CNTN4: variants seen among roughly 807,000 people sequenced by gnomAD.
CNTN4 encodes the protein contactin-4.
A neutral mutation model predicts 122.5 loss-of-function variants in CNTN4; 77 were observed. That is an observed-to-expected ratio of 0.63 (90% CI 0.52 to 0.76). The LOEUF is 0.76. Among genes scored for constraint, CNTN4 ranks in the 30% least tolerant of loss-of-function variants. The probability of loss-of-function intolerance (pLI) is 0.00; values close to 1 mark genes in which losing one functional copy is unlikely to be tolerated. For synonymous variants in CNTN4, 512 were observed against 447.0 expected (o/e 1.15, Z -1.83); for missense variants, 1,256 against 1,259.1 (o/e 1.00, Z 0.04).
chr3:2,913,166 T>A (rs577201094), intron 12 of CNTN4, among the ~76,000 whole-genome samples: 1 of 151,818 alleles, frequency 6.6e-6, no homozygotes, highest in African/African-American at 2.4e-5. Flanking sequence ...ATAAACAAAT[T>A]AAATAAATAA....
At chr3:2,595,112 A>G (rs2080705166) in intron 4 of CNTN4, among the ~76,000 whole-genome samples, 1 of 152,180 alleles carries the variant, frequency 6.6e-6, no homozygotes, top group African/African-American at 2.4e-5. Context: ...TGATAGTGAC[A>G]CTATTCTATT....
intron 3 of CNTN4, among the ~76,000 whole-genome samples, chr3:2,357,778 C>G (rs1414982063): frequency 6.6e-6 from 1 of 152,186 alleles, no homozygotes; most frequent in Non-Finnish European, 1.5e-5. Context: ...TCCTGCAACA[C>G]GTAATTTAGC....
intron 13 of CNTN4, among the ~76,000 whole-genome samples, chr3:2,931,181 A>G (rs75074340): frequency 0.02 from 3,058 of 152,314 alleles, 38 homozygotes; most frequent in Non-Finnish European, 0.031. Flanking sequence ...AGAAAATCAC[A>G]ACACGTGGAT....
chr3:2,662,404 G>C (rs2083941198), intron 4 of CNTN4, among the ~76,000 whole-genome samples: 1 of 152,180 alleles, frequency 6.6e-6, no homozygotes, highest in East Asian at 1.9e-4. Context: ...TGACTTTCCA[G>C]ATGTCTTTGG....
chr3:2,166,027 C>G (rs1459341437), intron 2 of CNTN4, among the ~76,000 whole-genome samples: 1 of 152,126 alleles, frequency 6.6e-6, no homozygotes, highest in Non-Finnish European at 1.5e-5. Flanking sequence ...GTTCATCTGT[C>G]TCTTCGAGAG....
intron 3 of CNTN4, among the ~76,000 whole-genome samples, chr3:2,498,308 G>A (rs1344080798): frequency 6.6e-6 from 1 of 152,096 alleles, no homozygotes; most frequent in South Asian, 2.1e-4. Flanking sequence ...AGGTTGTGTG[G>A]TAATTACAGT....
At chr3:2,763,615 T>C (rs557340485) in intron 6 of CNTN4, among the ~76,000 whole-genome samples, 1 of 152,190 alleles carries the variant, frequency 6.6e-6, no homozygotes, top group Non-Finnish European at 1.5e-5. Flanking sequence ...TTTATAGTTT[T>C]GGGTTTTATG....
chr3:2,537,232 C>T (rs1409597339), intron 3 of CNTN4, among the ~76,000 whole-genome samples: 1 of 152,042 alleles, frequency 6.6e-6, no homozygotes, highest in African/African-American at 2.4e-5. Flanking sequence ...GGAATACTGT[C>T]CCGAAGATAT....
chr3:2,573,499 A>G (rs1471766438), intron 4 of CNTN4, among the ~76,000 whole-genome samples: 4 of 152,326 alleles, frequency 2.6e-5, no homozygotes, highest in Admixed American at 6.5e-5. Flanking sequence ...TTAACTTCTC[A>G]TAATGACTCT....
chr3:2,449,748 G>T (rs1156548607), intron 3 of CNTN4, among the ~76,000 whole-genome samples: 1 of 152,144 alleles, frequency 6.6e-6, no homozygotes, highest in African/African-American at 2.4e-5. Flanking sequence ...TTATGCAATG[G>T]AATATCGTTC....
chr3:2,497,254 C>T (rs1473584974), intron 3 of CNTN4, among the ~76,000 whole-genome samples: 1 of 152,072 alleles, frequency 6.6e-6, no homozygotes, highest in African/African-American at 2.4e-5. Context: ...CTTCTCACTA[C>T]AACCTTTAAT....
intron 4 of CNTN4, among the ~76,000 whole-genome samples, chr3:2,597,076 T>C (rs556851997): frequency 1.3e-5 from 2 of 152,012 alleles, no homozygotes; most frequent in Non-Finnish European, 2.9e-5. Context: ...TGGGAAGGGG[T>C]TGTAAGACCA....
chr3:2,724,266 A>G (rs1487086956), intron 4 of CNTN4, among the ~76,000 whole-genome samples: 3 of 152,170 alleles, frequency 2.0e-5, no homozygotes, highest in Non-Finnish European at 4.4e-5. Context: ...GGATTTCCCG[A>G]CAAACTTTCA....
At chr3:2,839,075 C>CA (rs199984352) in intron 7 of CNTN4, among the ~76,000 whole-genome samples, 12 of 150,898 alleles carry the variant, frequency 8.0e-5, no homozygotes, top group African/African-American at 2.2e-4. Context: ...TAACCAGTTA[C>CA]AAAAAAAAAT....
At chr3:2,601,273 G>C (rs1003054790) in intron 4 of CNTN4, among the ~76,000 whole-genome samples, 23 of 152,122 alleles carry the variant, frequency 1.5e-4, no homozygotes, top group African/African-American at 5.6e-4. Flanking sequence ...TAAAGTCCTT[G>C]CCCATGCCTA....
chr3:2,603,673 G>A (rs1240234790), intron 4 of CNTN4, among the ~76,000 whole-genome samples: 2 of 152,178 alleles, frequency 1.3e-5, no homozygotes, highest in Non-Finnish European at 2.9e-5. Context: ...AAGTGCATAT[G>A]AGAGCTCCGG....
At chr3:2,416,347 A>G (rs1020433387) in intron 3 of CNTN4, among the ~76,000 whole-genome samples, 1 of 152,250 alleles carries the variant, frequency 6.6e-6, no homozygotes, top group Middle Eastern at 3.4e-3. Flanking sequence ...TAATTTATCA[A>G]TGCCATTAGT....
At chr3:2,834,949 G>A (rs925889316) in intron 7 of CNTN4, among the ~76,000 whole-genome samples, 3 of 100,766 alleles carry the variant, frequency 3.0e-5, no homozygotes, top group African/African-American at 1.2e-4. Flanking sequence ...CTGTCGCCCA[G>A]GCTGGAGTGC....
intron 8 of CNTN4, among the ~76,000 whole-genome samples, chr3:2,881,539 G>C (rs948190504): frequency 1.1e-4 from 17 of 151,102 alleles, no homozygotes; most frequent in African/African-American, 4.1e-4. Flanking sequence ...AAACAGGCAA[G>C]GGCCCACCTC....
Sources: gnomAD v4.1 joint callset for allele counts (sites outside exome capture counted in the v4.1 genomes callset) on GRCh38, gnomAD v4.1.1 for gene constraint, MANE v1.5 for transcripts, NCBI Gene and HGNC (gene_info 2026-07-23, HGNC 2026-07-21) for gene names.